Variants in SLC2A5 observed in about 807,000 individuals in gnomAD.
SLC2A5 encodes the protein solute carrier family 2, facilitated glucose transporter member 5.
A neutral mutation model predicts 50.3 loss-of-function variants in SLC2A5; 56 were observed. The ratio of observed to expected loss-of-function variants is 1.11; its 90% CI spans 0.90 to 1.39. The LOEUF (loss-of-function observed/expected upper bound fraction) is 1.39, where lower values mean the gene tolerates loss of function less well. Ranked by LOEUF, SLC2A5 falls within the 40% of genes most tolerant of loss-of-function variation. The probability of loss-of-function intolerance (pLI) is 0.00; values close to 1 mark genes in which losing one functional copy is unlikely to be tolerated. For synonymous variants in SLC2A5, 269 were observed against 281.9 expected (o/e 0.95, Z 0.46); for missense variants, 566 against 650.1 (o/e 0.87, Z 1.41).
At chr1:9,074,791 A>G (rs1642261704) in intron 2 of SLC2A5, among the ~76,000 whole-genome samples, 1 of 152,160 alleles carries the variant, frequency 6.6e-6, no homozygotes, top group Non-Finnish European at 1.5e-5. Context: ...TGGGAGGCTG[A>G]GGCAGGAGGA....
chr1:9,048,775 C>T (rs977300558), intron 3 of SLC2A5, among the ~76,000 whole-genome samples: 7 of 152,004 alleles, frequency 4.6e-5, no homozygotes, highest in African/African-American at 1.4e-4. Flanking sequence ...TGTACCTCAG[C>T]CTTCCAAGTA....
intron 4 of SLC2A5, among the ~76,000 whole-genome samples, chr1:9,042,625 A>G (rs1010958790): frequency 2.9e-5 from 4 of 136,284 alleles, no homozygotes; most frequent in Non-Finnish European, 4.7e-5. Flanking sequence ...GTGTATATAT[A>G]TGTGTGTGTG....
intron 2 of SLC2A5, among the ~76,000 whole-genome samples, chr1:9,075,356 A>G (rs1054946913): frequency 6.6e-6 from 1 of 152,130 alleles, no homozygotes; most frequent in Non-Finnish European, 1.5e-5. Flanking sequence ...GCGTAATCCA[A>G]CATCCCAAGA....
chr1:9,049,383 C>A (rs1405184657), intron 3 of SLC2A5, among the ~76,000 whole-genome samples: 1 of 152,210 alleles, frequency 6.6e-6, no homozygotes, highest in Non-Finnish European at 1.5e-5. Flanking sequence ...GACTTCAAGG[C>A]TTACCATAAA....
chr1:9,068,991 T>G (rs1193216035), intron 1 of SLC2A5, among the ~76,000 whole-genome samples: 2 of 152,186 alleles, frequency 1.3e-5, no homozygotes, highest in East Asian at 3.8e-4. Context: ...ATCTTTCCTC[T>G]CTAAAACAAG....
chr1:9,060,237 AC>A (rs1280068223), intron 1 of SLC2A5, among the ~76,000 whole-genome samples: 27 of 32,220 alleles, frequency 8.4e-4, no homozygotes, highest in African/African-American at 2.6e-3. Flanking sequence ...ATACACACAC[AC>A]CCCCCATGTA....
chr1:9,078,080 G>A (rs921873161), intron 2 of SLC2A5, among the ~76,000 whole-genome samples: 1 of 152,208 alleles, frequency 6.6e-6, no homozygotes, highest in Non-Finnish European at 1.5e-5. Flanking sequence ...GGGGTGGACA[G>A]TTCCCCGGAG....
At chr1:9,039,405 G>T (rs1641231388) in intron 8 of SLC2A5, 147 bp downstream of exon 8, 1 of 611,012 alleles carries the variant, frequency 1.6e-6, no homozygotes, top group African/African-American at 1.9e-5. Context: ...GGCTGGTGCG[G>T]GGCCACCTCC....
At chr1:9,086,855 T>G (rs1322663954) in intron 1 of SLC2A5, among the ~76,000 whole-genome samples, 1 of 152,188 alleles carries the variant, frequency 6.6e-6, no homozygotes, top group Non-Finnish European at 1.5e-5. Context: ...AAGTTCCACT[T>G]GATTAAAAAA....
chr1:9,080,828 AC>A (rs1309661247), intron 2 of SLC2A5, among the ~76,000 whole-genome samples: 1 of 152,178 alleles, frequency 6.6e-6, no homozygotes, highest in Admixed American at 6.5e-5. Context: ...TGCTTATGGG[AC>A]CTTTAATCCC....
intron 3 of SLC2A5, among the ~76,000 whole-genome samples, chr1:9,048,095 A>C (rs1166654218): frequency 2.0e-5 from 3 of 152,326 alleles, no homozygotes; most frequent in African/African-American, 4.8e-5. Flanking sequence ...ATTAGAGGAA[A>C]AGAAAAGTAT....
chr1:9,093,036 T>G (rs1335940072), upstream of SLC2A5, among the ~76,000 whole-genome samples: 1 of 151,994 alleles, frequency 6.6e-6, no homozygotes, highest in Non-Finnish European at 1.5e-5. Flanking sequence ...CACCTCAGGG[T>G]CAAGCCCCAC....
intron 4 of SLC2A5, among the ~76,000 whole-genome samples, chr1:9,045,949 C>T (rs1641424026): frequency 6.6e-6 from 1 of 151,822 alleles, no homozygotes. Flanking sequence ...GTGAAGTTTG[C>T]CATGGGGCTC....
In SLC2A5 at chr1:9,040,440, GT is replaced by G; in HGVS notation, c.572-252del. The G allele has an allele frequency of 2.0e-6, 1 of 510,642 alleles. No individual in the cohort carries two copies. 31.6% of individuals were successfully genotyped at this position (510,642 alleles called of 1,614,324 possible). ...ACGAGGCCGGTAATACCATGTGCTG[GT>G]GAGAACGTCCCCGTGTCCTTCAGAG... On this transcript the variant is annotated intron_variant, in intron 5 of 11. Coordinates refer to ENST00000377424, the MANE Select transcript of SLC2A5 (RefSeq NM_003039.3). The surrounding 1 kb of genome is among the most constrained non-coding windows in gnomAD (Gnocchi z 4.3).
chr1:9,045,163 C>T (rs1641405065), intron 4 of SLC2A5, among the ~76,000 whole-genome samples: 1 of 152,204 alleles, frequency 6.6e-6, no homozygotes, highest in African/African-American at 2.4e-5. Flanking sequence ...AGAAGTACAT[C>T]TGAGAATTCA....
chr1:9,074,810 G>C (rs1290760600), intron 2 of SLC2A5, among the ~76,000 whole-genome samples: 1 of 152,096 alleles, frequency 6.6e-6, no homozygotes, highest in Non-Finnish European at 1.5e-5. Context: ...GATCGCTTGA[G>C]CCCAGGAGTT....
chr1:9,069,477 G>C (rs779386357), intron 1 of SLC2A5, 27 bp downstream of exon 1: 10 of 1,613,124 alleles, frequency 6.2e-6, no homozygotes, highest in Middle Eastern at 3.3e-4. Context: ...CCTGCTCTTG[G>C]CCCCTTTCCC....
At chr1:9,050,559 T>C (rs1378510042) in intron 3 of SLC2A5, among the ~76,000 whole-genome samples, 2 of 152,106 alleles carry the variant, frequency 1.3e-5, no homozygotes, top group East Asian at 3.8e-4. Flanking sequence ...TTTTCCCAAA[T>C]ATTAATTCAC....
In SLC2A5 at chr1:9,037,881, C is replaced by G. The variant is rs1641175155; in HGVS notation, c.1302+16G>C. The G allele has an allele frequency of 6.2e-7, 1 of 1,613,454 alleles. No homozygotes were observed. The highest frequency in any genetic ancestry group is 1.7e-5 in the Admixed American group (1 of 59,982). On this transcript the variant is annotated intron_variant, in intron 11 of 11. Coordinates refer to ENST00000377424, the MANE Select transcript of SLC2A5 (RefSeq NM_003039.3). ...TGGGGATCTGGTGGTGAGCGTGGGC[C>G]CCGGGCCCCACTCACCTGGATGAAC...
Sources: allele counts gnomAD v4.1 joint callset (sites outside exome capture counted in the v4.1 genomes callset), GRCh38; gene constraint gnomAD v4.1.1; non-coding constraint Gnocchi (gnomAD v3.1); transcripts MANE v1.5; gene names NCBI Gene and HGNC (gene_info 2026-07-23, HGNC 2026-07-21).